The following BZW2 variants were observed in gnomAD, a reference collection of about 807,000 sequenced individuals.
BZW2 encodes eIF5-mimic protein 1.
A neutral mutation model predicts 53.2 loss-of-function variants in BZW2; 23 were observed. The observed-to-expected ratio is 0.43, with a 90% CI of 0.31 to 0.61. The LOEUF (loss-of-function observed/expected upper bound fraction) is 0.61, where lower values mean the gene tolerates loss of function less well. BZW2 is among the 20% of genes least tolerant of loss of function. The pLI is 0.09. For missense variants in BZW2, 409 were observed against 503.1 expected (o/e 0.81, Z 1.79); for synonymous variants, 227 against 186.4 (o/e 1.22, Z -1.77).
chr7:16,678,191 G>A (rs1782826343), intron 3 of BZW2, among the ~76,000 whole-genome samples: 1 of 149,124 alleles, frequency 6.7e-6, no homozygotes, highest in South Asian at 2.2e-4. Flanking sequence ...CGAGTAGCCG[G>A]GATTACAGGC....
At chr7:16,685,870 C>CTTTTTT in intron 5 of BZW2, 35 bp from the exon 6 acceptor site, 1 of 1,426,538 alleles carries the variant, frequency 7.0e-7, no homozygotes, top group Admixed American at 2.9e-5. Flanking sequence ...TTTTCTTTTT[C>CTTTTTT]TTTTTCTTTT....
Position 16,682,933 on chromosome 7 carries a change from C to T in BZW2, c.405+88C>T, listed in dbSNP as rs1168879667. On this transcript the variant is annotated intron_variant, in intron 5 of 11. Transcript: ENST00000258761. ...TTATAAGTGGCCGGACACGGTGGCTCACGCCTGTAATCCCAGCACTTTGGG... is the reference window on the plus strand; with the variant it reads ...TTATAAGTGGCCGGACACGGTGGCTTACGCCTGTAATCCCAGCACTTTGGG... 2.9e-5 allele frequency: 25 copies of T among 856,336 alleles called. No individual in the cohort carries two copies. In the East Asian group the frequency reaches 5.4e-4, roughly 18 times the overall value. The allele number at this position is 856,336 out of a possible 1,614,324, so 53.0% of individuals were successfully genotyped here. A position where few individuals can be genotyped will look rare whatever the true frequency, so the allele number is the denominator to read the frequency against.
chr7:16,683,467 A>C (rs539673582), intron 5 of BZW2, among the ~76,000 whole-genome samples: 1 of 152,370 alleles, frequency 6.6e-6, no homozygotes, highest in Non-Finnish European at 1.5e-5. Context: ...TGAAAACTAG[A>C]TAAAGTGATT....
intron 1 of BZW2, among the ~76,000 whole-genome samples, chr7:16,650,598 A>AT (rs1781961158): frequency 6.6e-6 from 1 of 152,124 alleles, no homozygotes; most frequent in African/African-American, 2.4e-5. Flanking sequence ...GATCTTTACA[A>AT]TTTTTTATTG....
chr7:16,683,015 C>G (rs1044294086), intron 5 of BZW2, among the ~76,000 whole-genome samples, 170 bp downstream of exon 5: 19 of 151,776 alleles, frequency 1.3e-4, no homozygotes, highest in African/African-American at 3.9e-4. Flanking sequence ...GGCCAAGATG[C>G]TGAAACCCTG....
intron 1 of BZW2, among the ~76,000 whole-genome samples, chr7:16,651,234 T>A (rs1781977792): frequency 6.6e-6 from 1 of 152,248 alleles, no homozygotes; most frequent in South Asian, 2.1e-4. Flanking sequence ...CTTATTTTTA[T>A]GCTAGATGAG....
intron 7 of BZW2, among the ~76,000 whole-genome samples, chr7:16,694,413 G>T (rs971900045): frequency 1.3e-5 from 2 of 152,132 alleles, no homozygotes; most frequent in African/African-American, 4.8e-5. Context: ...TCCCAGGAAG[G>T]CTCAGAGTAT....
At chr7:16,703,862 A>G (rs994681751) in intron 10 of BZW2, among the ~76,000 whole-genome samples, 1 of 152,156 alleles carries the variant, frequency 6.6e-6, no homozygotes, top group African/African-American at 2.4e-5. Context: ...TGTTTTTAGA[A>G]ACCTGTAGGA....
rs1350625755 is a variant in BZW2 at position 16,681,302 on chromosome 7, C to A, written c.237C>A (p.Ala79=). 2 of 1,612,498 alleles carry A rather than the reference C, an allele frequency of 1.2e-6. No individual in the cohort carries two copies. Among genetic ancestry groups the A allele is most frequent in the East Asian group, 4.5e-5 (2 of 44,858 alleles). ...FDILVAGSML[A]PGGTRIDDGD... ...TTACAATTACCTTTCTCTTTTTAGC[C>A]CCTGGAGGAACGCGCATAGATGATG... The change falls in exon 4 of 12, where the codon GCC becomes GCA. Residue 79 remains alanine, a splice_region_variant and synonymous_variant. Transcript: ENST00000258761.
chr7:16,663,562 AT>A (rs1382886812), intron 1 of BZW2, among the ~76,000 whole-genome samples: 2 of 152,114 alleles, frequency 1.3e-5, no homozygotes, highest in African/African-American at 4.8e-5. Flanking sequence ...AAGAAGGAAA[AT>A]TTGGTACATA....
chr7:16,655,136 C>T (rs1257973527), intron 1 of BZW2, among the ~76,000 whole-genome samples: 2 of 152,040 alleles, frequency 1.3e-5, no homozygotes, highest in Non-Finnish European at 2.9e-5. Context: ...TGATCTCTGG[C>T]GACTTTCTAA....
At chr7:16,648,586 G>A (rs1022915106) in intron 1 of BZW2, among the ~76,000 whole-genome samples, 23 of 152,280 alleles carry the variant, frequency 1.5e-4, no homozygotes, top group African/African-American at 5.5e-4. Flanking sequence ...TAAACATTGA[G>A]CACCCATCAT....
intron 5 of BZW2, 101 bp downstream of exon 5, chr7:16,682,946 C>T (rs1201836846): frequency 1.5e-6 from 1 of 682,792 alleles, no homozygotes; most frequent in African/African-American, 1.9e-5. Context: ...GCCTGTAATC[C>T]CAGCACTTTG....
intron 1 of BZW2, among the ~76,000 whole-genome samples, chr7:16,664,877 T>C (rs1342992476): frequency 2.0e-5 from 3 of 149,536 alleles, no homozygotes; most frequent in African/African-American, 7.6e-5. Flanking sequence ...ACCAAAATTT[T>C]CCTCAAAGTA....
chr7:16,679,917 C>T (rs1197346113), intron 3 of BZW2, among the ~76,000 whole-genome samples: 1 of 152,112 alleles, frequency 6.6e-6, no homozygotes, highest in South Asian at 2.1e-4. Flanking sequence ...ACTAATGCTT[C>T]TAATGGCTAC....
intron 5 of BZW2, among the ~76,000 whole-genome samples, chr7:16,683,799 C>G (rs1266871784): frequency 6.6e-6 from 1 of 152,150 alleles, no homozygotes; most frequent in Non-Finnish European, 1.5e-5. Flanking sequence ...AAGTAAAAAA[C>G]CAAGTGAAAA....
chr7:16,663,639 A>G (rs1345052553), intron 1 of BZW2, among the ~76,000 whole-genome samples: 1 of 152,144 alleles, frequency 6.6e-6, no homozygotes, highest in Non-Finnish European at 1.5e-5. Flanking sequence ...AATTACTTGA[A>G]TAATGTAAAT....
intron 1 of BZW2, among the ~76,000 whole-genome samples, chr7:16,659,651 A>G (rs910419590): frequency 6.6e-6 from 1 of 152,112 alleles, no homozygotes; most frequent in Non-Finnish European, 1.5e-5. Flanking sequence ...TTATTTTAAT[A>G]GTAGATAATT....
intron 8 of BZW2, 150 bp from the exon 9 acceptor site, chr7:16,696,765 C>CT: frequency 1.3e-6 from 1 of 789,504 alleles, no homozygotes; most frequent in South Asian, 1.7e-5. Flanking sequence ...TTTTCTCCCT[C>CT]TTCCAGTCTG....
Sources: gnomAD v4.1 joint callset for allele counts (sites outside exome capture counted in the v4.1 genomes callset) on GRCh38, gnomAD v4.1.1 for gene constraint, MANE v1.5 for transcripts, NCBI Gene and HGNC (gene_info 2026-07-23, HGNC 2026-07-21) for gene names.